The following FHIT variants were observed in gnomAD, a reference collection of about 807,000 sequenced individuals.
FHIT encodes bis(5'-adenosyl)-triphosphatase.
In FHIT, 19 loss-of-function variants were observed where a neutral mutation model predicts 17.9. The ratio of observed to expected loss-of-function variants is 1.06; its 90% CI spans 0.74 to 1.56. The LOEUF is 1.56. Ranked by LOEUF, FHIT falls within the 40% of genes most tolerant of loss-of-function variation. FHIT has a pLI of 0.00. For synonymous variants in FHIT, 81 were observed against 69.7 expected, an observed-to-expected ratio of 1.16 and a Z score of -0.81; for missense variants, 248 against 189.2, an observed-to-expected ratio of 1.31 and a Z score of -1.82.
rs953842867 is a variant in FHIT, at chr3:60,334,840, C to T, written c.103+202020G>A. On this transcript the variant is annotated intron_variant, in intron 5 of 9. Coordinates refer to ENST00000492590, the MANE Select transcript of FHIT (RefSeq NM_002012.4). ...ACAAAAAAACTATATATTGATTAAACGAACTATCTGTGATTAATGTACAGC... is the reference window on the plus strand; with the variant it reads ...ACAAAAAAACTATATATTGATTAAATGAACTATCTGTGATTAATGTACAGC... Among the ~76,000 whole-genome samples, 12 of 152,164 alleles carry T rather than the reference C, an allele frequency of 7.9e-5. 1 individual carries two copies. Among genetic ancestry groups the T allele is most frequent in the South Asian group, 6.2e-4 (3 of 4,836 alleles).
chr3:61,108,863 G>A (rs1396174830), intron 2 of FHIT, among the ~76,000 whole-genome samples: 1 of 152,140 alleles, frequency 6.6e-6, no homozygotes, highest in African/African-American at 2.4e-5. Flanking sequence ...ATATGATTAA[G>A]GTTTCCTCTT....
At chr3:60,324,504 G>A (rs1709587833) in intron 5 of FHIT, among the ~76,000 whole-genome samples, 2 of 149,438 alleles carry the variant, frequency 1.3e-5, no homozygotes, top group Non-Finnish European at 3.0e-5. Context: ...AGAATGGCCT[G>A]AACCCAGGAG....
chr3:61,143,765 C>G (rs769666170), intron 2 of FHIT, among the ~76,000 whole-genome samples: 1 of 152,128 alleles, frequency 6.6e-6, no homozygotes, highest in Non-Finnish European at 1.5e-5. Flanking sequence ...ACTCGGGAGA[C>G]TGAGACAGGA....
chr3:60,849,441 AATATATAT>A (rs10662932), intron 3 of FHIT, among the ~76,000 whole-genome samples: 5 of 137,700 alleles, frequency 3.6e-5, no homozygotes, highest in African/African-American at 8.2e-5. Context: ...ACAAAAATGA[AATATATAT>A]ATATATATAT....
intron 8 of FHIT, among the ~76,000 whole-genome samples, chr3:59,827,192 T>C (rs1481608522): frequency 6.6e-6 from 1 of 152,122 alleles, no homozygotes; most frequent in Non-Finnish European, 1.5e-5. Context: ...ATCTAATCCT[T>C]CCTCACATTT....
At chr3:60,697,489 T>C (rs569548956) in intron 4 of FHIT, among the ~76,000 whole-genome samples, 2 of 152,336 alleles carry the variant, frequency 1.3e-5, no homozygotes, top group Non-Finnish European at 2.9e-5. Flanking sequence ...CTCCAATCTA[T>C]TACATGAGAC....
intron 3 of FHIT, among the ~76,000 whole-genome samples, chr3:60,969,606 A>C (rs1270568753): frequency 1.3e-5 from 2 of 152,108 alleles, no homozygotes; most frequent in Non-Finnish European, 2.9e-5. Flanking sequence ...AGGGAAGAAA[A>C]TATTACCTAA....
chr3:60,356,298 G>A (rs989715201), intron 5 of FHIT, among the ~76,000 whole-genome samples: 19 of 152,134 alleles, frequency 1.2e-4, no homozygotes, highest in African/African-American at 4.3e-4. Context: ...AACAGATTGA[G>A]TTCAACTGTG....
At chr3:61,211,954 G>C (rs748541193) in intron 1 of FHIT, among the ~76,000 whole-genome samples, 3 of 152,188 alleles carry the variant, frequency 2.0e-5, no homozygotes, top group Non-Finnish European at 4.4e-5. Flanking sequence ...GTCCTGTCTC[G>C]TAGAAGGAAA....
intron 4 of FHIT, among the ~76,000 whole-genome samples, chr3:60,758,236 C>G (rs1699517613): frequency 6.6e-6 from 1 of 152,200 alleles, no homozygotes; most frequent in Non-Finnish European, 1.5e-5. Context: ...ATGCCTCTTT[C>G]CTCCCCTTTA....
intron 5 of FHIT, among the ~76,000 whole-genome samples, chr3:60,120,256 A>G (rs928476584): frequency 1.3e-5 from 2 of 152,198 alleles, no homozygotes; most frequent in African/African-American, 4.8e-5. Context: ...ACTGGGCCTT[A>G]ATCATTTCAG....
At chr3:60,646,407 CAT>C (rs1553686723) in intron 4 of FHIT, among the ~76,000 whole-genome samples, 2 of 152,150 alleles carry the variant, frequency 1.3e-5, no homozygotes, top group African/African-American at 4.8e-5. Context: ...AAAATTCTCT[CAT>C]AGTTAAGTCA....
At chr3:60,499,122 T>C (rs1173636833) in intron 5 of FHIT, among the ~76,000 whole-genome samples, 1 of 152,178 alleles carries the variant, frequency 6.6e-6, no homozygotes, top group Admixed American at 6.5e-5. Context: ...AAACTCCCCA[T>C]TCACTGTTTC....
intron 2 of FHIT, among the ~76,000 whole-genome samples, chr3:61,102,500 T>C (rs2035863485): frequency 1.3e-5 from 2 of 152,190 alleles, no homozygotes; most frequent in Admixed American, 6.5e-5. Flanking sequence ...ATTAGGGATA[T>C]TGGTCTAAAA....
chr3:61,246,212 C>G (rs1342804044), intron 1 of FHIT, among the ~76,000 whole-genome samples: 5 of 152,140 alleles, frequency 3.3e-5, no homozygotes, highest in Non-Finnish European at 5.9e-5. Flanking sequence ...AAATGAGAAA[C>G]CAGCCACCCT....
At position 60,717,387 on chromosome 3, in the gene FHIT, T is replaced by C. The variant is rs181708021; in HGVS notation, c.-18+104532A>G. On this transcript the variant is annotated intron_variant, in intron 4 of 9. Transcript: ENST00000492590. The stretch of plus-strand genomic sequence containing the variant: ...TTAGCTTGATTTCATCATTTAGCAA[T>C]GTATACATATATCAAAACATCACTT... Among the ~76,000 whole-genome samples the C allele has an allele frequency of 2.5e-4, 38 of 152,268 alleles. No individual in the cohort carries two copies. The East Asian group carries it at 5.8e-3, about 23-fold the overall frequency.
intron 5 of FHIT, among the ~76,000 whole-genome samples, chr3:60,158,643 G>A (rs144699797): frequency 6.6e-6 from 1 of 152,194 alleles, no homozygotes; most frequent in East Asian, 1.9e-4. Flanking sequence ...ACAAAGAAAA[G>A]GTCACTGCAC....
rs1699802618 is a variant in FHIT, at chr3:60,003,405, A to C, written c.279+7966T>G. Reference sequence around the variant, plus strand: ...TGGATCTGTTTCAGCTAAAAGGCCCAATTTCAATCAAGGCACACATTATTG... The same window carrying C: ...TGGATCTGTTTCAGCTAAAAGGCCCCATTTCAATCAAGGCACACATTATTG... On this transcript the variant is annotated intron_variant, in intron 7 of 9. Coordinates refer to ENST00000492590, the MANE Select transcript of FHIT (RefSeq NM_002012.4). Among the ~76,000 whole-genome samples, 3 of 152,168 alleles carry C rather than the reference A, an allele frequency of 2.0e-5. 1 individual carries two copies. The South Asian group carries it at 6.2e-4, about 32-fold the overall frequency.
chr3:60,821,281 A>G lies in FHIT; in HGVS notation c.-18+638T>C, dbSNP rs141131065. 1.0e-3 allele frequency among the ~76,000 whole-genome samples: 156 copies of G among 152,282 alleles called. 1 individual carries two copies. The Middle Eastern group carries it at 0.027, about 27-fold the overall frequency. ...CCTTTGCTGCTATTTTTAAAAATACATATTCAACATATCCGGTGAAATCAT... is the reference window on the plus strand; with the variant it reads ...CCTTTGCTGCTATTTTTAAAAATACGTATTCAACATATCCGGTGAAATCAT... On this transcript the variant is annotated intron_variant, in intron 4 of 9. Coordinates refer to ENST00000492590, the MANE Select transcript of FHIT (RefSeq NM_002012.4).
Sources: allele counts gnomAD v4.1 joint callset (sites outside exome capture counted in the v4.1 genomes callset), GRCh38; gene constraint gnomAD v4.1.1; transcripts MANE v1.5; gene names NCBI Gene and HGNC (gene_info 2026-07-23, HGNC 2026-07-21).